The following WDR27 variants were observed in gnomAD, a reference collection of about 807,000 sequenced individuals.
WDR27 encodes the protein WD repeat-containing protein 27.
In WDR27, 100 loss-of-function variants were observed where a neutral mutation model predicts 114.4. The observed-to-expected ratio is 0.87, with a 90% CI of 0.74 to 1.03. The LOEUF (loss-of-function observed/expected upper bound fraction) is 1.03, where lower values mean the gene tolerates loss of function less well. Among genes scored for constraint, WDR27 ranks in the 50% least tolerant of loss-of-function variants. The probability of loss-of-function intolerance (pLI) is 0.00; values close to 1 mark genes in which losing one functional copy is unlikely to be tolerated. For missense variants in WDR27, 1,129 were observed against 1,092.9 expected, an observed-to-expected ratio of 1.03 and a Z score of -0.47; for synonymous variants, 449 against 423.1, an observed-to-expected ratio of 1.06 and a Z score of -0.75.
chr6:169,567,069 C>T (rs1337739693), intron 25 of WDR27, among the ~76,000 whole-genome samples: 2 of 152,196 alleles, frequency 1.3e-5, no homozygotes, highest in Non-Finnish European at 2.9e-5. Context: ...GCCCCAGAGT[C>T]TGATAGGCAG....
At chr6:169,436,651 T>C in the WDR27 span, among the ~76,000 whole-genome samples, 1 of 152,130 alleles carries the variant, frequency 6.6e-6, no homozygotes, top group African/African-American at 2.4e-5. Flanking sequence ...ATGAGATTTA[T>C]AAACTTTTCA....
rs772876021 is a variant in WDR27, at chr6:169,660,768, T to C, written c.1026-2A>G. ...CATCGGGTGTTCTCAGAAGAAAGAC[T>C]GATTTAAGGAAAAAAAGAAAAGAAT... On this transcript the variant is annotated splice_acceptor_variant, in intron 9 of 25. Transcript: ENST00000448612. LOFTEE classifies it high-confidence loss of function. The C allele has an allele frequency of 1.2e-6, 2 of 1,612,434 alleles. No homozygotes were observed. Among genetic ancestry groups the C allele is most frequent in the African/African-American group, 1.3e-5 (1 of 74,914 alleles).
At chr6:169,506,680 G>A (rs1035784019) in intron 25 of WDR27, among the ~76,000 whole-genome samples, 13 of 152,306 alleles carry the variant, frequency 8.5e-5, no homozygotes, top group African/African-American at 3.1e-4. Context: ...CAAAAACTGT[G>A]TGTCCTTTGC....
rs1783765397 is a variant in WDR27, at chr6:169,688,956, T to C, written c.50A>G (p.Asp17Gly). 1 of 1,613,066 alleles carries C rather than the reference T, an allele frequency of 6.2e-7. No individual in the cohort carries two copies. The highest frequency in any genetic ancestry group is 1.3e-5 in the African/African-American group (1 of 75,032). ...AACCAGGTATTTTTCTATAACTATATCACTTAGACAGCCACCATTACTTGA... is the reference window on the plus strand; with the variant it reads ...AACCAGGTATTTTTCTATAACTATACCACTTAGACAGCCACCATTACTTGA... ...IFSSNGGCLS[D>G]IVIEKYLVES... Residue 17 changes from aspartate (D) to glycine (G), a missense_variant, in exon 2 of 26, where the codon GAT (aspartate) becomes GGT (glycine). Transcript: ENST00000448612.
rs572470698 is a variant in WDR27, at chr6:169,668,574, A to G, written c.457-389T>C. 7.0e-5 allele frequency: 13 copies of G among 184,640 alleles called. No individual in the cohort carries two copies. The South Asian group carries it at 1.5e-3, about 21-fold the overall frequency. The allele number at this position is 184,640 out of a possible 1,614,324, so 11.4% of individuals were successfully genotyped here. ...CCCTAAAACCTCCGACAGCCAAGAC[A>G]GCACCCCAGAAGTCAGCGTCACAAG... On this transcript the variant is annotated intron_variant, in intron 4 of 25. Coordinates refer to ENST00000448612, the MANE Select transcript of WDR27 (RefSeq NM_182552.5).
At chr6:169,436,715 CAT>C in the WDR27 span, among the ~76,000 whole-genome samples, 1 of 151,988 alleles carries the variant, frequency 6.6e-6, no homozygotes, top group Admixed American at 6.5e-5. Context: ...ATTGATAAAA[CAT>C]GAGTCATTTC....
At position 169,636,482 on chromosome 6, in the gene WDR27, G is replaced by A. The variant is rs914148384; in HGVS notation, c.1892C>T (p.Pro631Leu). The A allele has an allele frequency of 3.1e-6, 5 of 1,610,508 alleles. No individual in the cohort carries two copies. Among genetic ancestry groups the A allele is most frequent in the Non-Finnish European group, 4.2e-6 (5 of 1,178,852 alleles). Reference protein sequence around the residue: ...LLLGKDMFSKPIQSAQFYYID... With the variant: ...LLLGKDMFSKLIQSAQFYYID... ...ATAATAGAACTGTGCAGACTGTATA[G>A]GTTTAGAAAACATGTCTTTGCCCTG... The change falls in exon 19 of 26, where the codon CCT becomes CTT. Residue 631 changes from proline to leucine, a missense_variant. By Grantham distance (98) the Pro-to-Leu change is moderately conservative (BLOSUM62 -3). Coordinates refer to ENST00000448612, the MANE Select transcript of WDR27 (RefSeq NM_182552.5).
chr6:169,613,858 T>C (rs545980349), intron 21 of WDR27, among the ~76,000 whole-genome samples: 82 of 152,350 alleles, frequency 5.4e-4, no homozygotes, highest in Middle Eastern at 3.4e-3. Flanking sequence ...TAGAGAAGTA[T>C]TGATGTATGT....
At chr6:169,437,184 G>A in the WDR27 span, among the ~76,000 whole-genome samples, 1 of 152,152 alleles carries the variant, frequency 6.6e-6, no homozygotes, top group Non-Finnish European at 1.5e-5. Flanking sequence ...GCAAATCATG[G>A]AGAGTTTATG....
chr6:169,457,770 A>G (rs1784441455), intron 25 of WDR27, 136 bp from the exon 26 acceptor site: 1 of 618,802 alleles, frequency 1.6e-6, no homozygotes, highest in Non-Finnish European at 2.9e-6. Flanking sequence ...ACATTAACAT[A>G]GTAGAATCTA....
intron 25 of WDR27, among the ~76,000 whole-genome samples, chr6:169,522,779 A>T (rs2128067073): frequency 6.6e-6 from 1 of 152,092 alleles, no homozygotes; most frequent in South Asian, 2.1e-4. Context: ...ATAAAATGTA[A>T]TATACCAAAA....
chr6:169,657,218 A>C (rs1824466834), intron 13 of WDR27, among the ~76,000 whole-genome samples: 1 of 152,240 alleles, frequency 6.6e-6, no homozygotes, highest in Admixed American at 6.5e-5. Flanking sequence ...CCCGATCTGC[A>C]AGGCGGGTCA....
chr6:169,691,142 G>C lies in WDR27; in HGVS notation c.-7-2130C>G, dbSNP rs542635647. Among the ~76,000 whole-genome samples the C allele has an allele frequency of 5.3e-5, 8 of 152,242 alleles. No homozygotes were observed. The East Asian group carries it at 1.5e-3, about 29-fold the overall frequency. ...AGGCAGGAGAATGGCGTGAACCTGG[G>C]AGGCAGAGCTTGCAGTGAGCCGAGA... On this transcript the variant is annotated intron_variant, in intron 1 of 25. Coordinates refer to ENST00000448612, the MANE Select transcript of WDR27 (RefSeq NM_182552.5).
At chr6:169,513,669 T>TTACTTATAAACAATGTGTTTATTTATAAG (rs1266690055) in intron 25 of WDR27, among the ~76,000 whole-genome samples, 607 of 145,446 alleles carry the variant, frequency 4.2e-3, no homozygotes, top group African/African-American at 5.6e-3. Context: ...TTATAAGTAA[T>TTACTTATAAACAATGTGTTTATTTATAAG]TACTTATAAA....
At chr6:169,635,363 G>A (rs548837036) in intron 19 of WDR27, among the ~76,000 whole-genome samples, 23 of 152,254 alleles carry the variant, frequency 1.5e-4, no homozygotes, top group African/African-American at 4.8e-4. Flanking sequence ...CCAGCCTAGC[G>A]ACAGAGTGAG....
At chr6:169,605,416 T>A (rs1304193564) in intron 22 of WDR27, among the ~76,000 whole-genome samples, 1 of 151,088 alleles carries the variant, frequency 6.6e-6, no homozygotes, top group African/African-American at 2.4e-5. Context: ...AGGTAAAAGG[T>A]CTCAATACGG....
chr6:169,679,013 C>T (rs1270356450), intron 2 of WDR27, among the ~76,000 whole-genome samples: 2 of 152,180 alleles, frequency 1.3e-5, no homozygotes, highest in Non-Finnish European at 2.9e-5. Flanking sequence ...TCTCCACAAT[C>T]CTTTAGCTTA....
intron 25 of WDR27, among the ~76,000 whole-genome samples, chr6:169,501,404 A>G (rs1440901175): frequency 6.6e-6 from 1 of 152,228 alleles, no homozygotes; most frequent in Non-Finnish European, 1.5e-5. Flanking sequence ...TTAAGGCAGT[A>G]GCCCGCAGAT....
At chr6:169,444,191 C>T in the WDR27 span, among the ~76,000 whole-genome samples, 87 of 152,300 alleles carry the variant, frequency 5.7e-4, no homozygotes, top group African/African-American at 2.0e-3. Context: ...ATCTAACTCC[C>T]GCAAAAACTT....
Sources: gnomAD v4.1 joint callset for allele counts (sites outside exome capture counted in the v4.1 genomes callset) on GRCh38, gnomAD v4.1.1 for gene constraint, MANE v1.5 for transcripts, NCBI Gene and HGNC (gene_info 2026-07-23, HGNC 2026-07-21) for gene names.